Variants in CCSER1 observed in about 807,000 individuals in gnomAD.
The protein encoded by CCSER1 is serine-rich coiled-coil domain-containing protein 1.
Under a neutral mutation model 82.0 loss-of-function variants are expected in CCSER1, and 41 were observed. That is an observed-to-expected ratio of 0.50 (90% confidence interval 0.39 to 0.65). The LOEUF (loss-of-function observed/expected upper bound fraction) is 0.65. CCSER1 is among the 30% of genes least tolerant of loss of function. The pLI, the probability that CCSER1 is intolerant of heterozygous loss-of-function variation, is 0.00. For synonymous variants in CCSER1, 414 were observed against 383.9 expected, an observed-to-expected ratio of 1.08 and a Z score of -0.92; for missense variants, 1,119 against 1,064.2, an observed-to-expected ratio of 1.05 and a Z score of -0.72.
rs966997093 is a variant in CCSER1, at chr4:90,309,989, A to G, written c.1324+381A>G. Among the ~76,000 whole-genome samples, 99 of 152,088 alleles carry G rather than the reference A, an allele frequency of 6.5e-4. 6 individuals carry two copies. The highest frequency in any genetic ancestry group is 4.4e-5 in the Non-Finnish European group (3 of 67,978). ...TAGAGTTTATTATAGAGGCATTGGT[A>G]TTTCTTATTTAATGAAATGGATATA... On this transcript the variant is annotated intron_variant, in intron 2 of 10. Transcript: ENST00000509176.
intron 8 of CCSER1, among the ~76,000 whole-genome samples, chr4:90,858,374 G>T (rs1330060872): frequency 6.6e-6 from 1 of 151,970 alleles, no homozygotes; most frequent in African/African-American, 2.4e-5. Context: ...GGTTTTCTCA[G>T]TTTCCCAAAC....
At chr4:91,440,832 C>G (rs1387075794) in intron 10 of CCSER1, among the ~76,000 whole-genome samples, 7 of 152,316 alleles carry the variant, frequency 4.6e-5, no homozygotes, top group African/African-American at 1.7e-4. Flanking sequence ...TCAGACAATA[C>G]TACAAACACC....
intron 9 of CCSER1, among the ~76,000 whole-genome samples, chr4:91,039,395 T>C (rs1036605768): frequency 2.0e-5 from 3 of 152,150 alleles, no homozygotes; most frequent in African/African-American, 4.8e-5. Flanking sequence ...GAAAAAGTTA[T>C]AGTAGTATAC....
At chr4:90,612,150 C>T (rs115325850) in intron 5 of CCSER1, among the ~76,000 whole-genome samples, 2 of 151,842 alleles carry the variant, frequency 1.3e-5, no homozygotes, top group South Asian at 4.1e-4. Context: ...AAAACAACAA[C>T]AAAAAAATAA....
chr4:90,698,754 TACACATGAAAAA>T (rs1053654069), intron 6 of CCSER1, among the ~76,000 whole-genome samples: 2 of 152,144 alleles, frequency 1.3e-5, no homozygotes, highest in Admixed American at 1.3e-4. Context: ...GAAAGTTTAT[TACACATGAAAAA>T]CTAGCCAGTA....
At chr4:91,432,727 TG>T (rs1754402825) in intron 10 of CCSER1, among the ~76,000 whole-genome samples, 1 of 152,170 alleles carries the variant, frequency 6.6e-6, no homozygotes, top group Non-Finnish European at 1.5e-5. Flanking sequence ...TTTTGTATTG[TG>T]TTACTGATTT....
chr4:91,578,204 T>C (rs6829570), intron 10 of CCSER1, among the ~76,000 whole-genome samples: 72,334 of 151,718 alleles, frequency 0.48, 17,569 homozygotes, highest in East Asian at 0.63. Context: ...CTTCTGTCAA[T>C]ATCCATAAAA....
intron 9 of CCSER1, among the ~76,000 whole-genome samples, chr4:91,020,790 C>T (rs113640042): frequency 2.2e-4 from 34 of 152,202 alleles, no homozygotes; most frequent in African/African-American, 7.9e-4. Context: ...CCCAACTTGG[C>T]ATTAGAAATA....
intron 6 of CCSER1, among the ~76,000 whole-genome samples, chr4:90,635,723 T>A (rs1212702023): frequency 6.6e-6 from 1 of 151,824 alleles, no homozygotes; most frequent in East Asian, 1.9e-4. Flanking sequence ...ATTGGGAAAT[T>A]ATAGTTTATA....
Position 91,126,434 on chromosome 4 carries a change from A to G in CCSER1, c.2217+40440A>G, listed in dbSNP as rs143639818. Among the ~76,000 whole-genome samples, 437 of 152,006 alleles carry G rather than the reference A, an allele frequency of 2.9e-3. 3 individuals carry two copies. Among genetic ancestry groups the G allele is most frequent in the South Asian group, 0.024 (115 of 4,818 alleles). On this transcript the variant is annotated intron_variant, in intron 10 of 10. Coordinates refer to ENST00000509176, the MANE Select transcript of CCSER1 (RefSeq NM_001145065.2). ...GGCTCATAATATATGGATTTTTATGATTCTCTAATGATAAGAATTTCCAAA... is the reference window on the plus strand; with the variant it reads ...GGCTCATAATATATGGATTTTTATGGTTCTCTAATGATAAGAATTTCCAAA...
At chr4:90,186,033 C>T (rs992171835) in intron 1 of CCSER1, among the ~76,000 whole-genome samples, 6 of 151,968 alleles carry the variant, frequency 3.9e-5, no homozygotes, top group African/African-American at 1.4e-4. Context: ...TGCCTACTTT[C>T]AGGGAATAAT....
intron 7 of CCSER1, among the ~76,000 whole-genome samples, chr4:90,755,801 G>T (rs1749428518): frequency 6.6e-6 from 1 of 152,170 alleles, no homozygotes; most frequent in Admixed American, 6.5e-5. Flanking sequence ...ATGAAGTTAA[G>T]CACAGGGAAA....
chr4:91,079,667 GA>G (rs1202858238), intron 9 of CCSER1, among the ~76,000 whole-genome samples: 2 of 152,136 alleles, frequency 1.3e-5, no homozygotes, highest in Non-Finnish European at 2.9e-5. Context: ...CTGAATTCAG[GA>G]GACCCATCTC....
intron 9 of CCSER1, among the ~76,000 whole-genome samples, chr4:90,926,661 TA>T (rs140467178): frequency 0.039 from 5,919 of 150,790 alleles, 360 homozygotes; most frequent in African/African-American, 0.14. Flanking sequence ...TGGCAAGACT[TA>T]AAAAAAAAAT....
chr4:90,654,354 C>T (rs13142649), intron 6 of CCSER1, among the ~76,000 whole-genome samples: 20,348 of 152,048 alleles, frequency 0.13, 1,768 homozygotes, highest in East Asian at 0.32. Context: ...ATCCTTATTA[C>T]TTTAATTTAC....
chr4:90,264,103 C>A (rs188626742), intron 1 of CCSER1, among the ~76,000 whole-genome samples: 1 of 152,120 alleles, frequency 6.6e-6, no homozygotes, highest in Non-Finnish European at 1.5e-5. Context: ...TAAAATACAC[C>A]GTGGGCTTGA....
At position 90,851,500 on chromosome 4, in the gene CCSER1, G is replaced by C. The variant is rs1425314947; in HGVS notation, c.2094+35655G>C. On this transcript the variant is annotated intron_variant, in intron 8 of 10. Coordinates refer to ENST00000509176, the MANE Select transcript of CCSER1 (RefSeq NM_001145065.2). Reference sequence around the variant, plus strand: ...CGCTGTCCAGTTTTTAAATGGTTGAGATTTTACCCTTGTTCCAATGCAGCC... The same window carrying C: ...CGCTGTCCAGTTTTTAAATGGTTGACATTTTACCCTTGTTCCAATGCAGCC... Among the ~76,000 whole-genome samples, 5 of 151,296 alleles carry C rather than the reference G, an allele frequency of 3.3e-5. No individual in the cohort carries two copies. The East Asian group carries it at 9.7e-4, about 29-fold the overall frequency.
At chr4:91,323,034 T>C (rs1312432165) in intron 10 of CCSER1, among the ~76,000 whole-genome samples, 1 of 152,130 alleles carries the variant, frequency 6.6e-6, no homozygotes, top group Non-Finnish European at 1.5e-5. Flanking sequence ...CAAAATTTAG[T>C]TGGAGAAGTG....
intron 10 of CCSER1, among the ~76,000 whole-genome samples, chr4:91,481,293 G>A (rs974102654): frequency 6.6e-6 from 1 of 151,944 alleles, no homozygotes; most frequent in African/African-American, 2.4e-5. Flanking sequence ...AGATCAAAGC[G>A]TTGGCAGTTT....
Sources: gnomAD v4.1 joint callset for allele counts (sites outside exome capture counted in the v4.1 genomes callset) on GRCh38, gnomAD v4.1.1 for gene constraint, MANE v1.5 for transcripts, NCBI Gene and HGNC (gene_info 2026-07-23, HGNC 2026-07-21) for gene names.